The following ERICH6 variants were observed in gnomAD, a reference collection of about 807,000 sequenced individuals.
ERICH6 encodes the protein glutamate-rich protein 6.
A neutral mutation model predicts 71.0 loss-of-function variants in ERICH6; 71 were observed. The ratio of observed to expected loss-of-function variants is 1.00; its 90% confidence interval spans 0.83 to 1.22. The LOEUF (loss-of-function observed/expected upper bound fraction) is 1.22. Ranked by LOEUF, ERICH6 falls within the 50% of genes most tolerant of loss-of-function variation. The pLI is 0.00. For missense variants in ERICH6, 808 were observed against 797.2 expected, an observed-to-expected ratio of 1.01 and a Z score of -0.16; for synonymous variants, 262 against 278.4, an observed-to-expected ratio of 0.94 and a Z score of 0.59.
intron 7 of ERICH6, 27 bp from the exon 8 acceptor site, chr3:150,680,957 C>T: frequency 6.3e-7 from 1 of 1,586,110 alleles, no homozygotes; most frequent in East Asian, 2.2e-5. Flanking sequence ...TTACTCTCAT[C>T]TCATTAGTCC....
chr3:150,661,956 G>T (rs180739646), intron 13 of ERICH6, among the ~76,000 whole-genome samples: 13 of 152,212 alleles, frequency 8.5e-5, no homozygotes, highest in African/African-American at 2.9e-4. Context: ...TATGTGGTTT[G>T]CCCGAGAACA....
At position 150,703,688 on chromosome 3, in the gene ERICH6, C is replaced by A. The variant is rs770087596; in HGVS notation, c.211G>T (p.Glu71Ter). 3 of 1,612,134 alleles carry A rather than the reference C, an allele frequency of 1.9e-6. No individual in the cohort carries two copies. The East Asian group carries it at 6.7e-5, about 36-fold the overall frequency. Residue 71 changes from glutamate to a stop codon, truncating the protein, a stop_gained, in exon 1 of 14, where the codon GAG (glutamate) becomes TAG (stop). Coordinates refer to ENST00000295910, the MANE Select transcript of ERICH6 (RefSeq NM_152394.5). LOFTEE classifies it high-confidence loss of function. ...CAGAGGTACTCTTCGCTGAACGTCT[C>A]AGGGGCCTCCAACTCCTGCTCTTCC... ...VGEEQELEAP[E>*]TFSEEYLWKV...
At chr3:150,672,863 A>T (rs1177009448) in intron 11 of ERICH6, among the ~76,000 whole-genome samples, 1 of 151,884 alleles carries the variant, frequency 6.6e-6, no homozygotes, top group Non-Finnish European at 1.5e-5. Flanking sequence ...CATCTCTACC[A>T]AAATTTAAAA....
At chr3:150,677,217 AC>A (rs1711695017) in intron 10 of ERICH6, among the ~76,000 whole-genome samples, 1 of 152,192 alleles carries the variant, frequency 6.6e-6, no homozygotes, top group Admixed American at 6.5e-5. Context: ...AGCTGGGATT[AC>A]AGGTGCAAGC....
At chr3:150,691,037 C>T (rs978204887) in intron 3 of ERICH6, among the ~76,000 whole-genome samples, 5 of 152,162 alleles carry the variant, frequency 3.3e-5, no homozygotes, top group African/African-American at 7.2e-5. Context: ...GCTAGTTCAG[C>T]GTATGCCCAG....
chr3:150,682,348 T>TC, intron 6 of ERICH6, 32 bp from the exon 7 acceptor site: 2 of 1,565,924 alleles, frequency 1.3e-6, no homozygotes, highest in Non-Finnish European at 1.7e-6. Context: ...ATTAAAGAAG[T>TC]CCCCACAAAG....
chr3:150,670,135 T>C (rs575775743), intron 11 of ERICH6, among the ~76,000 whole-genome samples: 1 of 152,242 alleles, frequency 6.6e-6, no homozygotes, highest in African/African-American at 2.4e-5. Context: ...CTTCCTAAGA[T>C]CAGAAACTAA....
At chr3:150,666,736 A>C (rs1231531527) in intron 13 of ERICH6, 51 bp downstream of exon 13, 1 of 1,496,224 alleles carries the variant, frequency 6.7e-7, no homozygotes, top group Admixed American at 1.8e-5. Context: ...AAGTTAGTTT[A>C]CTCTTATTAT....
chr3:150,680,586 C>T lies in ERICH6; in HGVS notation c.1041-48G>A, dbSNP rs138512005. 201 of 1,606,652 alleles carry T rather than the reference C, an allele frequency of 1.3e-4. 1 individual carries two copies. In the East Asian group the frequency reaches 4.4e-3, roughly 35 times the overall value. ...GCATAAATCTGAAATGTGGTTGAAG[C>T]TTAAAACAGTCTACTACAAAATTCA... is the stretch of plus-strand genomic sequence containing the variant. On this transcript the variant is annotated intron_variant, in intron 8 of 13. Coordinates refer to ENST00000295910, the MANE Select transcript of ERICH6 (RefSeq NM_152394.5).
chr3:150,693,815 T>G (rs1559920142), intron 3 of ERICH6, among the ~76,000 whole-genome samples: 1 of 152,226 alleles, frequency 6.6e-6, no homozygotes, highest in Non-Finnish European at 1.5e-5. Context: ...TTTCTACAGT[T>G]TGGACTGAAT....
In ERICH6 at chr3:150,703,499, T is replaced by C; in HGVS notation, c.400A>G (p.Lys134Glu). 3 of 1,591,020 alleles carry C rather than the reference T, an allele frequency of 1.9e-6. No individual in the cohort carries two copies. Among genetic ancestry groups the C allele is most frequent in the Admixed American group, 1.7e-5 (1 of 58,684 alleles). ...ASPPSSTSSH[K>E]SFPKIFQTFR... ...AGGGGTGGGTCGGGGGCGGTACTTT[T>C]ATGCGAGGAGGTGCTGGAGGGTGGG... The change falls in exon 1 of 14, where the codon AAA (lysine) becomes GAA (glutamate). Residue 134 changes from lysine to glutamate, a missense_variant. Lys to Glu is a moderately conservative substitution (Grantham distance 56). Around this residue, in one of 3 missense-constraint regions of ERICH6, gnomAD observed 736 missense variants for 712.2 expected, o/e 1.03. Transcript: ENST00000295910.
At chr3:150,678,322 G>T in intron 10 of ERICH6, 87 bp downstream of exon 10, 2 of 1,330,184 alleles carry the variant, frequency 1.5e-6, no homozygotes, top group East Asian at 2.5e-5. Context: ...AATGCATCAT[G>T]TAGCCAAGCT....
At chr3:150,668,896 A>C (rs989400576) in intron 12 of ERICH6, among the ~76,000 whole-genome samples, 1 of 152,212 alleles carries the variant, frequency 6.6e-6, no homozygotes, top group Non-Finnish European at 1.5e-5. Flanking sequence ...ATAACAACAT[A>C]GTGTATCAAC....
At chr3:150,675,872 T>G (rs76106093) in intron 10 of ERICH6, among the ~76,000 whole-genome samples, 1 of 148,588 alleles carries the variant, frequency 6.7e-6, no homozygotes, top group African/African-American at 2.5e-5. Flanking sequence ...TTTTTTTTTT[T>G]GGTCTTTGGT....
chr3:150,679,721 G>A (rs1042136330), intron 9 of ERICH6, among the ~76,000 whole-genome samples: 3 of 151,904 alleles, frequency 2.0e-5, no homozygotes, highest in Admixed American at 6.6e-5. Flanking sequence ...TCAATGGCAC[G>A]ATCCTGGCTT....
chr3:150,688,012 G>C (rs971664846), intron 3 of ERICH6, among the ~76,000 whole-genome samples: 2 of 152,114 alleles, frequency 1.3e-5, no homozygotes, highest in African/African-American at 4.8e-5. Flanking sequence ...GTCCCAGTTA[G>C]TGGGGGCTAA....
chr3:150,688,156 A>C (rs1295465145), intron 3 of ERICH6, among the ~76,000 whole-genome samples: 1 of 152,170 alleles, frequency 6.6e-6, no homozygotes, highest in Non-Finnish European at 1.5e-5. Context: ...TTTTTAAAAA[A>C]GAAGTTGATC....
At chr3:150,660,298 G>T in intron 13 of ERICH6, 143 bp from the exon 14 acceptor site, 3 of 899,452 alleles carry the variant, frequency 3.3e-6, no homozygotes, top group Non-Finnish European at 5.0e-6. Flanking sequence ...AGGGGCGGTG[G>T]TGTTATTCTA....
intron 10 of ERICH6, among the ~76,000 whole-genome samples, chr3:150,677,154 G>A (rs887950917): frequency 1.3e-5 from 2 of 152,046 alleles, no homozygotes; most frequent in African/African-American, 4.8e-5. Context: ...TGTTGCTCAG[G>A]CTGGTTTCAA....
Sources: allele counts gnomAD v4.1 joint callset (sites outside exome capture counted in the v4.1 genomes callset), GRCh38; gene constraint gnomAD v4.1.1; regional missense constraint gnomAD v4.1.1; transcripts MANE v1.5; gene names NCBI Gene and HGNC (gene_info 2026-07-23, HGNC 2026-07-21).